GALNT13: variants seen among roughly 807,000 people sequenced by gnomAD.
The protein encoded by GALNT13 is polypeptide N-acetylgalactosaminyltransferase 13, also known as UDP-GalNAc:polypeptide N-acetylgalactosaminyltransferase 13.
GALNT13 carries 28 observed loss-of-function variants against 64.2 expected under a neutral mutation model. The ratio of observed to expected loss-of-function variants is 0.44; its 90% CI spans 0.32 to 0.60. The LOEUF is 0.60. GALNT13 is among the 20% of genes least tolerant of loss of function. The pLI is 0.05. For synonymous variants in GALNT13, 214 were observed against 224.6 expected, an observed-to-expected ratio of 0.95 and a Z score of 0.42; for missense variants, 577 against 669.8, an observed-to-expected ratio of 0.86 and a Z score of 1.53.
chr2:154,066,125 A>G (rs545811455), intron 3 of GALNT13, among the ~76,000 whole-genome samples: 1 of 152,332 alleles, frequency 6.6e-6, no homozygotes, highest in Non-Finnish European at 1.5e-5. Context: ...GAATTGATCA[A>G]ACAGCAGAAA....
intron 9 of GALNT13, among the ~76,000 whole-genome samples, chr2:154,338,566 A>G (rs370284694): frequency 6.6e-6 from 1 of 152,132 alleles, no homozygotes; most frequent in East Asian, 1.9e-4. Context: ...GCAGGGCCAC[A>G]TGAGGCAGCC....
intron 9 of GALNT13, among the ~76,000 whole-genome samples, chr2:154,322,327 C>T (rs1465799481): frequency 2.0e-5 from 3 of 151,902 alleles, no homozygotes; most frequent in Admixed American, 6.6e-5. Context: ...AGACCATTTT[C>T]TCCCACTTGA....
the GALNT13 span, among the ~76,000 whole-genome samples, chr2:153,852,373 T>A: frequency 6.6e-6 from 1 of 152,160 alleles, no homozygotes; most frequent in Admixed American, 6.5e-5. Flanking sequence ...GTAAATGATA[T>A]TTTCAGAAAT....
the GALNT13 span, among the ~76,000 whole-genome samples, chr2:153,735,255 G>C: frequency 2.6e-5 from 4 of 151,780 alleles, no homozygotes; most frequent in South Asian, 2.1e-4. Context: ...TGTCTCTAGG[G>C]CTTACTATTT....
At chr2:154,215,144 A>G (rs1194223322) in intron 4 of GALNT13, among the ~76,000 whole-genome samples, 1 of 152,182 alleles carries the variant, frequency 6.6e-6, no homozygotes, top group Non-Finnish European at 1.5e-5. Flanking sequence ...GTTTGCACAC[A>G]TGGATCCAGC....
the GALNT13 span, among the ~76,000 whole-genome samples, chr2:153,070,873 G>C: frequency 6.6e-6 from 1 of 152,104 alleles, no homozygotes; most frequent in African/African-American, 2.4e-5. Flanking sequence ...TCTTTAATCT[G>C]AAATATCACT....
chr2:153,845,566 G>T, the GALNT13 span, among the ~76,000 whole-genome samples: 1 of 152,136 alleles, frequency 6.6e-6, no homozygotes, highest in Non-Finnish European at 1.5e-5. Context: ...ACCCCACCTG[G>T]TGATTTTATT....
the GALNT13 span, among the ~76,000 whole-genome samples, chr2:153,595,256 G>A: frequency 5.3e-5 from 8 of 151,098 alleles, no homozygotes; most frequent in African/African-American, 1.9e-4. Context: ...GTAATTTGAT[G>A]GGGAAAAAAA....
chr2:153,630,629 C>G, the GALNT13 span, among the ~76,000 whole-genome samples: 380 of 138,280 alleles, frequency 2.7e-3, 1 homozygote, highest in Non-Finnish European at 3.9e-3. Context: ...GCACATGTAC[C>G]CTAAAACTTA....
At chr2:153,418,762 G>A in the GALNT13 span, among the ~76,000 whole-genome samples, 6 of 152,146 alleles carry the variant, frequency 3.9e-5, no homozygotes, top group African/African-American at 1.4e-4. Flanking sequence ...GGGGGCTGAG[G>A]TGGGAGGATG....
chr2:154,365,050 A>G (rs1477946812), intron 9 of GALNT13, among the ~76,000 whole-genome samples: 1 of 152,206 alleles, frequency 6.6e-6, no homozygotes, highest in African/African-American at 2.4e-5. Context: ...CACCTACTAG[A>G]CAAACTAGTT....
chr2:154,028,049 G>A (rs1002926568), intron 3 of GALNT13, among the ~76,000 whole-genome samples: 5 of 152,064 alleles, frequency 3.3e-5, no homozygotes, highest in Admixed American at 6.6e-5. Flanking sequence ...TTAGAGCTGC[G>A]ACTGTAGAGC....
chr2:153,868,029 C>T (rs1042696751), upstream of GALNT13, among the ~76,000 whole-genome samples: 22 of 152,244 alleles, frequency 1.4e-4, no homozygotes, highest in African/African-American at 5.1e-4. Context: ...GGACATACCT[C>T]AGCAAAATGT....
At chr2:153,398,270 G>A in the GALNT13 span, among the ~76,000 whole-genome samples, 1 of 152,130 alleles carries the variant, frequency 6.6e-6, no homozygotes, top group Admixed American at 6.6e-5. Flanking sequence ...TTTTGTGGCT[G>A]CATAGTATTC....
At chr2:154,283,121 C>G (rs571318109) in intron 8 of GALNT13, among the ~76,000 whole-genome samples, 3 of 152,172 alleles carry the variant, frequency 2.0e-5, no homozygotes, top group Admixed American at 2.0e-4. Context: ...CAATGAAGGC[C>G]TTTTTAGACT....
chr2:153,810,970 A>G, the GALNT13 span, among the ~76,000 whole-genome samples: 25 of 152,216 alleles, frequency 1.6e-4, no homozygotes, highest in Admixed American at 1.6e-3. Context: ...TTGTGATTTC[A>G]GGCCAGTCAT....
chr2:153,227,523 G>C, the GALNT13 span, among the ~76,000 whole-genome samples: 1 of 152,272 alleles, frequency 6.6e-6, no homozygotes, highest in African/African-American at 2.4e-5. Context: ...AAAGAATTAC[G>C]GTAATGTGGG....
intron 1 of GALNT13, among the ~76,000 whole-genome samples, chr2:153,884,754 A>C (rs1687018978): frequency 7.4e-6 from 1 of 135,094 alleles, no homozygotes; most frequent in African/African-American, 3.1e-5. Context: ...CCCAGTCTGT[A>C]CTAAAAATAC....
chr2:154,349,139 A>C (rs1301061762), intron 9 of GALNT13, among the ~76,000 whole-genome samples: 1 of 152,220 alleles, frequency 6.6e-6, no homozygotes, highest in African/African-American at 2.4e-5. Context: ...CCACATGAGC[A>C]ATCGTCAGTA....
Sources: gnomAD v4.1 joint callset for allele counts (sites outside exome capture counted in the v4.1 genomes callset) on GRCh38, gnomAD v4.1.1 for gene constraint, MANE v1.5 for transcripts, NCBI Gene and HGNC (gene_info 2026-07-23, HGNC 2026-07-21) for gene names.